The following UGT2B17 variants were observed in gnomAD, a reference collection of about 807,000 sequenced individuals.
UGT2B17 encodes UDP-glucuronosyltransferase 2B17.
UGT2B17 carries 21 observed loss-of-function variants against 48.2 expected under a neutral mutation model. The ratio of observed to expected loss-of-function variants is 0.44; its 90% CI spans 0.31 to 0.63. The LOEUF is 0.63. Among genes scored for constraint, UGT2B17 ranks in the 20% least tolerant of loss-of-function variants. The pLI, the probability that UGT2B17 is intolerant of heterozygous loss-of-function variation, is 0.08. For synonymous variants in UGT2B17, 146 were observed against 238.4 expected (o/e 0.61, Z 3.57); for missense variants, 402 against 696.1 (o/e 0.58, Z 4.75).
intron 6 of UGT2B17, among the ~76,000 whole-genome samples, chr4:68,539,780 A>AATC (rs1730620262): frequency 8.7e-6 from 1 of 114,476 alleles, no homozygotes; most frequent in African/African-American, 3.2e-5. Context: ...TCATACATAT[A>AATC]ATCTTTTTTT....
rs1731054781 is a variant in UGT2B17 at position 68,558,990 on chromosome 4, T to A, written c.1005+1547A>T. Among the ~76,000 whole-genome samples, 2 of 125,776 alleles carry A rather than the reference T, an allele frequency of 1.6e-5. 1 individual carries two copies. The highest frequency in any genetic ancestry group is 3.4e-5 in the Non-Finnish European group (2 of 59,382). 82.5% of individuals were successfully genotyped at this position (125,776 alleles called of 152,430 possible). ...CAGATATTTGGGGTTCACAAGATTA[T>A]CAATGAAATATTCAAATATATAAGA... On this transcript the variant is annotated intron_variant, in intron 4 of 6. Coordinates refer to ENST00000317746, the MANE Select transcript of UGT2B17 (RefSeq NM_001077.4).
chr4:68,570,316 C>T lies in UGT2B17; in HGVS notation c.-64-1768G>A, dbSNP rs955986657. Among the ~76,000 whole-genome samples the T allele has an allele frequency of 9.5e-5, 12 of 126,736 alleles. 3 individuals carry two copies. The highest frequency in any genetic ancestry group is 2.7e-4 in the African/African-American group (10 of 37,022). The allele number at this position is 126,736 out of a possible 152,430, so 83.1% of individuals were successfully genotyped here. On this transcript the variant is annotated intron_variant, in intron 1 of 6. Coordinates refer to ENST00000317746, the MANE Select transcript of UGT2B17 (RefSeq NM_001077.4). The stretch of plus-strand genomic sequence containing the variant: ...CACTGCTGGTCAGAGAGAAACAGAA[C>T]AGGGCAGGGGGTTTTACAGTGTTCT...
intron 6 of UGT2B17, among the ~76,000 whole-genome samples, chr4:68,539,635 T>A (rs1730617426): frequency 8.0e-6 from 1 of 124,422 alleles, no homozygotes; most frequent in African/African-American, 2.7e-5. Context: ...AGATTGTTTT[T>A]AGTTATCATT....
chr4:68,541,958 G>A (rs1730666970), intron 6 of UGT2B17, among the ~76,000 whole-genome samples: 1 of 126,106 alleles, frequency 7.9e-6, no homozygotes, highest in African/African-American at 2.7e-5. Context: ...GGCTGTAGAT[G>A]TGTGGTGTTA....
chr4:68,548,094 T>C lies in UGT2B17; in HGVS notation c.1313+2583A>G, dbSNP rs796806555. On this transcript the variant is annotated intron_variant, in intron 6 of 6. Coordinates refer to ENST00000317746, the MANE Select transcript of UGT2B17 (RefSeq NM_001077.4). ...TACTGGGTATATACCCAAAGGGTTA[T>C]AAATCATGCTTCTATAAAGACATGT... Among the ~76,000 whole-genome samples the C allele has an allele frequency of 2.0e-4, 25 of 127,164 alleles. 3 individuals are homozygous for C. The highest frequency in any genetic ancestry group is 5.6e-4 in the African/African-American group (21 of 37,266). The allele number at this position is 127,164 out of a possible 152,430, so 83.4% of individuals were successfully genotyped here.
At chr4:68,559,917 A>C (rs1201179562) in intron 4 of UGT2B17, among the ~76,000 whole-genome samples, 1 of 123,652 alleles carries the variant, frequency 8.1e-6, no homozygotes, top group African/African-American at 2.8e-5. Flanking sequence ...AGCAGAGCAG[A>C]CAAGTTTTTC....
At chr4:68,555,962 T>C (rs116797403) in intron 4 of UGT2B17, among the ~76,000 whole-genome samples, 2,215 of 94,076 alleles carry the variant, frequency 0.024, 433 homozygotes, top group East Asian at 0.077. Flanking sequence ...TGAAGAGAAA[T>C]AATTTTATAT....
At chr4:68,544,139 C>A (rs1730745550) in intron 6 of UGT2B17, among the ~76,000 whole-genome samples, 1 of 125,220 alleles carries the variant, frequency 8.0e-6, no homozygotes, top group Non-Finnish European at 1.7e-5. Flanking sequence ...GTTAGATTCA[C>A]CAAAGTTGAA....
rs757555662 is a variant in UGT2B17 at position 68,567,936 on chromosome 4, C to T, written c.549G>A (p.Lys183=). ...GAGGGAACAGAAATCCTCCACCATT[C>T]TTCTCAACTGTGTAGCCAACAGAGA... ...LRFSVGYTVE[K]NGGGFLFPPS... is the part of the protein sequence containing the mutation. Residue 183 remains lysine, a synonymous_variant, in exon 2 of 7, where the codon AAG becomes AAA. Transcript: ENST00000317746. 2.2e-6 allele frequency: 3 copies of T among 1,380,452 alleles called. 1 individual carries two copies. Among genetic ancestry groups the T allele is most frequent in the Non-Finnish European group, 2.8e-6 (3 of 1,054,928 alleles). 85.5% of individuals were successfully genotyped at this position (1,380,452 alleles called of 1,614,324 possible).
intron 6 of UGT2B17, among the ~76,000 whole-genome samples, chr4:68,550,436 G>C (rs887866058): frequency 1.6e-5 from 2 of 124,726 alleles, no homozygotes; most frequent in African/African-American, 2.7e-5. Flanking sequence ...AAATAATTAT[G>C]TACATATCTT....
Position 68,568,576 on chromosome 4 carries a change from A to G in UGT2B17, c.-64-28T>C, listed in dbSNP as rs564486106. 3 of 1,213,934 alleles carry G rather than the reference A, an allele frequency of 2.5e-6. 1 individual carries two copies. The highest frequency in any genetic ancestry group is 1.6e-5 in the African/African-American group (1 of 62,864). The allele number at this position is 1,213,934 out of a possible 1,614,324, so 75.2% of individuals were successfully genotyped here. Reference sequence around the variant, plus strand: ...GAGGAAAAATCAATCAAGTTAAAATATAACTGCTAAAATTTGAGTTGACCT... The same window carrying G: ...GAGGAAAAATCAATCAAGTTAAAATGTAACTGCTAAAATTTGAGTTGACCT... On this transcript the variant is annotated intron_variant, in intron 1 of 6. Coordinates refer to ENST00000317746, the MANE Select transcript of UGT2B17 (RefSeq NM_001077.4).
chr4:68,549,931 A>G (rs1392790004), intron 6 of UGT2B17, among the ~76,000 whole-genome samples: 1 of 126,412 alleles, frequency 7.9e-6, no homozygotes, highest in Non-Finnish European at 1.7e-5. Context: ...ATCAAAGAAT[A>G]TTATATAGAA....
At position 68,537,989 on chromosome 4, in the gene UGT2B17, G is replaced by C. The variant is rs112873457; in HGVS notation, c.1314-85C>G. The C allele has an allele frequency of 3.1e-3, 2,928 of 957,520 alleles. 551 individuals carry two copies. The African/African-American group carries it at 0.041, about 13-fold the overall frequency. The allele number at this position is 957,520 out of a possible 1,614,324, so 59.3% of individuals were successfully genotyped here. A position where few individuals can be genotyped will look rare whatever the true frequency, so the allele number is the denominator to read the frequency against. Reference sequence around the variant, plus strand: ...AGTCTATGGATGGTCTTTGAAAAGCGCCACACAAGTGATTCAAAGTAAGTG... The same window carrying C: ...AGTCTATGGATGGTCTTTGAAAAGCCCCACACAAGTGATTCAAAGTAAGTG... On this transcript the variant is annotated intron_variant, in intron 6 of 6. Coordinates refer to ENST00000317746, the MANE Select transcript of UGT2B17 (RefSeq NM_001077.4).
chr4:68,571,129 G>A (rs1731291587), intron 1 of UGT2B17, among the ~76,000 whole-genome samples: 1 of 125,138 alleles, frequency 8.0e-6, no homozygotes, highest in African/African-American at 2.7e-5. Flanking sequence ...TGTAGATGGG[G>A]GTCCAATATC....
intron 6 of UGT2B17, among the ~76,000 whole-genome samples, chr4:68,539,227 C>T (rs28510329): frequency 0.48 from 59,941 of 124,096 alleles, 23,393 homozygotes; most frequent in Middle Eastern, 0.75. Context: ...GAACTCTTTC[C>T]TCCTGGGCCA....
In UGT2B17 at chr4:68,537,847, G is replaced by A. The variant is rs1341894527; in HGVS notation, c.1371C>T (p.Pro457=). Reference sequence around the variant, plus strand: ...CAATCCAGAAGACTGCTCGATCCAGGGGCTTCACCGGTTGATCATGATGAA... The same window carrying A: ...CAATCCAGAAGACTGCTCGATCCAGAGGCTTCACCGGTTGATCATGATGAA... ...SRIHHDQPVK[P]LDRAVFWIEF... The change falls in exon 7 of 7, where the codon CCC becomes CCT. Residue 457 remains proline, a synonymous_variant. Coordinates refer to ENST00000317746, the MANE Select transcript of UGT2B17 (RefSeq NM_001077.4). 8.0e-6 allele frequency: 11 copies of A among 1,376,778 alleles called. 3 individuals are homozygous for A. In the South Asian group the frequency reaches 1.5e-4, roughly 19 times the overall value. 85.3% of individuals were successfully genotyped at this position (1,376,778 alleles called of 1,614,324 possible).
Position 68,537,913 on chromosome 4 carries a change from T to G in UGT2B17, c.1314-9A>C. ...TGATATTCTCTTTATAGCTGAAGGA[T>G]AAATATAAAGATATCAACATTAAAA... On this transcript the variant is annotated splice_polypyrimidine_tract_variant and intron_variant, in intron 6 of 6. Coordinates refer to ENST00000317746, the MANE Select transcript of UGT2B17 (RefSeq NM_001077.4). 7.5e-7 allele frequency: 1 copy of G among 1,331,858 alleles called. No homozygotes were observed. The highest frequency in any genetic ancestry group is 9.8e-7 in the Non-Finnish European group (1 of 1,024,838). 82.5% of individuals were successfully genotyped at this position (1,331,858 alleles called of 1,614,324 possible). A position where few individuals can be genotyped will look rare whatever the true frequency, so the allele number is the denominator to read the frequency against.
chr4:68,549,709 A>G (rs1417058685), intron 6 of UGT2B17, among the ~76,000 whole-genome samples: 1 of 125,978 alleles, frequency 7.9e-6, no homozygotes, highest in Non-Finnish European at 1.7e-5. Flanking sequence ...TGGTAATGAA[A>G]AATGATGCAA....
intron 6 of UGT2B17, among the ~76,000 whole-genome samples, chr4:68,549,559 A>G (rs551084463): frequency 8.0e-6 from 1 of 125,494 alleles, no homozygotes; most frequent in African/African-American, 2.7e-5. Context: ...GAGGGTTAAC[A>G]TCTTCAGCCA....
Sources: gnomAD v4.1 joint callset for allele counts (sites outside exome capture counted in the v4.1 genomes callset) on GRCh38, gnomAD v4.1.1 for gene constraint, MANE v1.5 for transcripts, NCBI Gene and HGNC (gene_info 2026-07-23, HGNC 2026-07-21) for gene names.